The following FAF1 variants were observed in gnomAD, a reference collection of about 807,000 sequenced individuals.
FAF1 encodes FAS-associated factor 1.
A neutral mutation model predicts 92.5 loss-of-function variants in FAF1; 25 were observed. The observed-to-expected ratio is 0.27, with a 90% CI of 0.20 to 0.38. FAF1 has a LOEUF of 0.38. Ranked by LOEUF, FAF1 falls within the 10% of genes least tolerant of loss-of-function variation. The pLI, the probability that FAF1 is intolerant of heterozygous loss-of-function variation, is 1.00. For synonymous variants in FAF1, 234 were observed against 273.2 expected (o/e 0.86, Z 1.42); for missense variants, 636 against 793.3 (o/e 0.80, Z 2.38).
At chr1:50,822,728 A>G (rs1425500024) in intron 2 of FAF1, among the ~76,000 whole-genome samples, 1 of 150,642 alleles carries the variant, frequency 6.6e-6, no homozygotes, top group Non-Finnish European at 1.5e-5. Context: ...TCTAAAGGCT[A>G]GTAGTTTTTT....
chr1:50,730,108 G>C (rs975672594), intron 6 of FAF1, among the ~76,000 whole-genome samples: 14 of 151,910 alleles, frequency 9.2e-5, no homozygotes, highest in Non-Finnish European at 1.8e-4. Flanking sequence ...AGCAGCATGC[G>C]GAATTTTTGA....
intron 2 of FAF1, among the ~76,000 whole-genome samples, chr1:50,840,879 A>G (rs887102355): frequency 6.6e-6 from 1 of 152,070 alleles, no homozygotes; most frequent in Non-Finnish European, 1.5e-5. Flanking sequence ...GATTAATTAA[A>G]TAAATTATAT....
At chr1:50,786,763 A>G (rs1184537517) in intron 4 of FAF1, among the ~76,000 whole-genome samples, 1 of 152,226 alleles carries the variant, frequency 6.6e-6, no homozygotes, top group African/African-American at 2.4e-5. Flanking sequence ...ATAGTGAACT[A>G]GGAGAGTGGT....
At chr1:50,955,099 A>T (rs550585744) in intron 1 of FAF1, among the ~76,000 whole-genome samples, 49 of 152,378 alleles carry the variant, frequency 3.2e-4, no homozygotes, top group African/African-American at 1.1e-3. Context: ...TATTTGGATA[A>T]CTATTTTCAC....
chr1:50,847,647 G>A (rs1427963199), intron 2 of FAF1, among the ~76,000 whole-genome samples: 1 of 152,030 alleles, frequency 6.6e-6, no homozygotes, highest in Non-Finnish European at 1.5e-5. Flanking sequence ...AGAAAGAGGA[G>A]AGAGAAAGAA....
chr1:50,472,418 CACACAA>C (rs1338129317), intron 18 of FAF1, among the ~76,000 whole-genome samples: 306 of 140,636 alleles, frequency 2.2e-3, no homozygotes, highest in East Asian at 5.8e-3. Context: ...CACACACACA[CACACAA>C]ACCCCAAAAC....
intron 6 of FAF1, among the ~76,000 whole-genome samples, chr1:50,730,390 A>G (rs1158876118): frequency 6.6e-6 from 1 of 151,298 alleles, no homozygotes; most frequent in Non-Finnish European, 1.5e-5. Context: ...TATTTTGTTT[A>G]TGCTTACTCT....
chr1:50,884,861 T>C (rs916054627), intron 1 of FAF1, among the ~76,000 whole-genome samples: 1 of 152,194 alleles, frequency 6.6e-6, no homozygotes. Flanking sequence ...TTCTTCTTTA[T>C]GTATATAGTA....
intron 6 of FAF1, among the ~76,000 whole-genome samples, chr1:50,713,199 T>C (rs1307773684): frequency 4.1e-5 from 6 of 145,706 alleles, no homozygotes; most frequent in Non-Finnish European, 7.5e-5. Flanking sequence ...CTTCAACTTT[T>C]GATCTTCAGG....
At chr1:50,640,832 T>TTA (rs1456178348) in intron 8 of FAF1, among the ~76,000 whole-genome samples, 1 of 120,208 alleles carries the variant, frequency 8.3e-6, no homozygotes, top group Non-Finnish European at 1.9e-5. Flanking sequence ...TCAGCTGATT[T>TTA]TTTTTTTTTT....
chr1:50,781,040 T>C, intron 4 of FAF1: 1 of 450,366 alleles, frequency 2.2e-6, no homozygotes, highest in Non-Finnish European at 4.5e-6. Flanking sequence ...GACAGCCTGA[T>C]TGAACTGTGC....
At chr1:50,642,851 T>C (rs1036577531) in intron 8 of FAF1, among the ~76,000 whole-genome samples, 1 of 152,124 alleles carries the variant, frequency 6.6e-6, no homozygotes, top group Admixed American at 6.5e-5. Flanking sequence ...TTTTTGTTGT[T>C]GTTGTTTGAG....
At chr1:50,487,235 A>G (rs1460205681) in intron 17 of FAF1, among the ~76,000 whole-genome samples, 1 of 152,200 alleles carries the variant, frequency 6.6e-6, no homozygotes, top group African/African-American at 2.4e-5. Context: ...TAGCCTTCAG[A>G]TCTGATGTTA....
chr1:50,496,763 C>G (rs1646903491), intron 15 of FAF1, among the ~76,000 whole-genome samples: 1 of 152,068 alleles, frequency 6.6e-6, no homozygotes. Context: ...GTGGCACATG[C>G]CCGTAATCCC....
intron 13 of FAF1, among the ~76,000 whole-genome samples, chr1:50,562,812 G>A (rs1649990149): frequency 2.0e-5 from 3 of 152,174 alleles, no homozygotes; most frequent in African/African-American, 7.2e-5. Flanking sequence ...TTTACTCAAT[G>A]AACAAACATA....
intron 1 of FAF1, among the ~76,000 whole-genome samples, chr1:50,865,832 GTATAA>G (rs1644476954): frequency 1.4e-5 from 2 of 141,684 alleles, no homozygotes; most frequent in African/African-American, 5.2e-5. Flanking sequence ...AAAACTTAAA[GTATAA>G]TAATAATAAA....
rs1190626756 is a variant in FAF1, at chr1:50,661,075, A to G, written c.658-5547T>C. Reference sequence around the variant, plus strand: ...ATAGAAAAAAATATAACAGACATCAAAAAGAAAAATGGCAAATAATTTCAC... The same window carrying G: ...ATAGAAAAAAATATAACAGACATCAGAAAGAAAAATGGCAAATAATTTCAC... On this transcript the variant is annotated intron_variant, in intron 7 of 18. Transcript: ENST00000396153. 2.0e-5 allele frequency among the ~76,000 whole-genome samples: 3 copies of G among 152,318 alleles called. No individual in the cohort carries two copies. The East Asian group carries it at 5.8e-4, about 29-fold the overall frequency.
chr1:50,693,928 A>G (rs1477717033), intron 7 of FAF1, among the ~76,000 whole-genome samples: 1 of 150,670 alleles, frequency 6.6e-6, no homozygotes, highest in African/African-American at 2.5e-5. Context: ...AGAAATCAAG[A>G]CTCTTAAGAT....
chr1:50,788,588 G>A (rs1006316935), intron 3 of FAF1, among the ~76,000 whole-genome samples: 66 of 152,006 alleles, frequency 4.3e-4, no homozygotes, highest in Admixed American at 2.6e-3. Context: ...TGCTTTCCAC[G>A]GATTATTTTG....
Sources: gnomAD v4.1 joint callset for allele counts (sites outside exome capture counted in the v4.1 genomes callset) on GRCh38, gnomAD v4.1.1 for gene constraint, MANE v1.5 for transcripts, NCBI Gene and HGNC (gene_info 2026-07-23, HGNC 2026-07-21) for gene names.